Variants in KCNC2 observed in about 807,000 individuals in gnomAD.
KCNC2 encodes potassium voltage-gated channel subfamily C member 2, also known as voltage-gated potassium channel KCNC2.
A neutral mutation model predicts 44.5 loss-of-function variants in KCNC2; 21 were observed. That is an observed-to-expected ratio of 0.47 (90% CI 0.33 to 0.68). The LOEUF (loss-of-function observed/expected upper bound fraction) is 0.68. Ranked by LOEUF, KCNC2 falls within the 30% of genes least tolerant of loss-of-function variation. KCNC2 has a pLI of 0.01. For missense variants in KCNC2, 589 were observed against 826.2 expected (o/e 0.71, Z 3.52); for synonymous variants, 391 against 339.1 (o/e 1.15, Z -1.68).
At chr12:75,130,831 AGACAGATAGG>A (rs1001899753) in intron 2 of KCNC2, among the ~76,000 whole-genome samples, 6 of 152,114 alleles carry the variant, frequency 3.9e-5, no homozygotes, top group African/African-American at 1.4e-4. Context: ...GAGGCAGGAA[AGACAGATAGG>A]GAAGCTCAGA....
intron 2 of KCNC2, among the ~76,000 whole-genome samples, chr12:75,155,997 G>C (rs1318807578): frequency 6.6e-6 from 1 of 151,858 alleles, no homozygotes; most frequent in East Asian, 1.9e-4. Flanking sequence ...TTTAGAGGAA[G>C]TGGAGTTGGG....
intron 2 of KCNC2, among the ~76,000 whole-genome samples, chr12:75,204,832 C>T (rs1326181445): frequency 6.6e-6 from 1 of 151,930 alleles, no homozygotes; most frequent in African/African-American, 2.4e-5. Flanking sequence ...TTTCAGCCAA[C>T]CCCTAGGAAT....
At position 75,043,610 on chromosome 12, in the gene KCNC2, G is replaced by GA. The variant is rs200598903; in HGVS notation, c.1781-370dup. On this transcript the variant is annotated intron_variant, in intron 4 of 4. Transcript: ENST00000549446. Reference sequence around the variant, plus strand: ...TTTTTAAATTTCAGAATGTATTCTTGAAAAAAAGAGAAATAAGTAGGCTAC... The same window carrying GA: ...TTTTTAAATTTCAGAATGTATTCTTGAAAAAAAAGAGAAATAAGTAGGCTAC... 2.0e-3 allele frequency: 2,473 copies of GA among 1,223,010 alleles called. 34 individuals carry two copies. In the African/African-American group the frequency reaches 0.034, roughly 17 times the overall value. 75.8% of individuals were successfully genotyped at this position (1,223,010 alleles called of 1,614,324 possible). A position where few individuals can be genotyped will look rare whatever the true frequency, so the allele number is the denominator to read the frequency against.
intron 2 of KCNC2, among the ~76,000 whole-genome samples, chr12:75,066,415 C>T (rs963797691): frequency 1.3e-5 from 2 of 151,986 alleles, no homozygotes; most frequent in African/African-American, 4.8e-5. Context: ...ATTAAAGTTT[C>T]CTAGATAATT....
chr12:75,133,597 T>C (rs1019724686), intron 2 of KCNC2, among the ~76,000 whole-genome samples: 1 of 151,962 alleles, frequency 6.6e-6, no homozygotes, highest in African/African-American at 2.4e-5. Flanking sequence ...CCAAACCATA[T>C]ATAAAATTTT....
At chr12:75,095,751 A>G (rs1439973589) in intron 2 of KCNC2, among the ~76,000 whole-genome samples, 1 of 151,940 alleles carries the variant, frequency 6.6e-6, no homozygotes, top group East Asian at 1.9e-4. Context: ...CACCTTAAAA[A>G]TACTTGTTGA....
intron 2 of KCNC2, among the ~76,000 whole-genome samples, chr12:75,176,020 T>C (rs2137610242): frequency 6.6e-6 from 1 of 152,218 alleles, no homozygotes; most frequent in East Asian, 1.9e-4. Context: ...CAGTGGTATC[T>C]GAGGTAGATT....
At chr12:75,154,274 G>A (rs537696974) in intron 2 of KCNC2, among the ~76,000 whole-genome samples, 1 of 152,092 alleles carries the variant, frequency 6.6e-6, no homozygotes, top group South Asian at 2.1e-4. Flanking sequence ...AGGAGAAATG[G>A]TTATGGAAGA....
chr12:75,090,427 A>G (rs1014626764), intron 2 of KCNC2, among the ~76,000 whole-genome samples: 2 of 150,598 alleles, frequency 1.3e-5, no homozygotes, highest in Non-Finnish European at 3.0e-5. Flanking sequence ...TCTTTTTCTC[A>G]CTTTAATCCA....
At chr12:75,046,041 T>C (rs548339568) in intron 4 of KCNC2, among the ~76,000 whole-genome samples, 30 of 151,830 alleles carry the variant, frequency 2.0e-4, no homozygotes, top group African/African-American at 7.0e-4. Context: ...AAATTTGTGA[T>C]AGATATGATA....
At chr12:75,183,285 A>C (rs1419694406) in intron 2 of KCNC2, among the ~76,000 whole-genome samples, 1 of 152,216 alleles carries the variant, frequency 6.6e-6, no homozygotes, top group African/African-American at 2.4e-5. Context: ...CTCCCCATGC[A>C]GAAAGCTCAA....
At chr12:75,074,119 T>C (rs902858267) in intron 2 of KCNC2, among the ~76,000 whole-genome samples, 13 of 152,024 alleles carry the variant, frequency 8.6e-5, no homozygotes, top group Non-Finnish European at 1.8e-4. Context: ...TTTAGGATTG[T>C]CTTAAGAGCA....
chr12:75,166,558 T>A (rs1891468218), intron 2 of KCNC2, among the ~76,000 whole-genome samples: 1 of 151,148 alleles, frequency 6.6e-6, no homozygotes, highest in African/African-American at 2.4e-5. Flanking sequence ...TATCATATGG[T>A]AGAGGAAATA....
chr12:75,181,022 A>C (rs1384713818), intron 2 of KCNC2, among the ~76,000 whole-genome samples: 1 of 152,166 alleles, frequency 6.6e-6, no homozygotes, highest in Non-Finnish European at 1.5e-5. Context: ...TAACATGTTG[A>C]GTAAAGTGTT....
At chr12:75,056,016 C>G (rs1030529563) in intron 2 of KCNC2, among the ~76,000 whole-genome samples, 3 of 152,094 alleles carry the variant, frequency 2.0e-5, no homozygotes, top group Admixed American at 6.6e-5. Flanking sequence ...CTGTGCTACT[C>G]TCGCCCAGGA....
At chr12:75,198,778 A>G (rs898999628) in intron 2 of KCNC2, among the ~76,000 whole-genome samples, 5 of 151,830 alleles carry the variant, frequency 3.3e-5, no homozygotes, top group Non-Finnish European at 4.4e-5. Flanking sequence ...TCTATTCTAT[A>G]ATTTGCAAGC....
chr12:75,105,737 T>C (rs1021916020), intron 2 of KCNC2, among the ~76,000 whole-genome samples: 3 of 152,142 alleles, frequency 2.0e-5, no homozygotes, highest in Non-Finnish European at 4.4e-5. Flanking sequence ...TATCATGAGA[T>C]GGGGAAGACT....
chr12:75,093,341 A>G (rs1205227617), intron 2 of KCNC2, among the ~76,000 whole-genome samples: 1 of 151,526 alleles, frequency 6.6e-6, no homozygotes, highest in African/African-American at 2.4e-5. Flanking sequence ...AAAAGAAAAG[A>G]TTTGTCAAAA....
At chr12:75,080,280 T>A (rs1884369380) in intron 2 of KCNC2, among the ~76,000 whole-genome samples, 1 of 30,780 alleles carries the variant, frequency 3.2e-5, no homozygotes, top group African/African-American at 1.1e-4. Context: ...ATCCTCTCTT[T>A]GTAGCATTTT....
Sources: gnomAD v4.1 joint callset for allele counts (sites outside exome capture counted in the v4.1 genomes callset) on GRCh38, gnomAD v4.1.1 for gene constraint, MANE v1.5 for transcripts, NCBI Gene and HGNC (gene_info 2026-07-23, HGNC 2026-07-21) for gene names.